SLIT3: variants seen among roughly 807,000 people sequenced by gnomAD.
SLIT3 encodes the protein slit guidance ligand 3, also known as slit homolog 3 protein.
SLIT3 carries 68 observed loss-of-function variants against 184.0 expected under a neutral mutation model. The ratio of observed to expected loss-of-function variants is 0.37; its 90% CI spans 0.30 to 0.45. The LOEUF (loss-of-function observed/expected upper bound fraction) is 0.45, where lower values mean the gene tolerates loss of function less well. Ranked by LOEUF, SLIT3 falls within the 20% of genes least tolerant of loss-of-function variation. The pLI is 1.00. For missense variants in SLIT3, 1,707 were observed against 2,026.0 expected, an observed-to-expected ratio of 0.84 and a Z score of 3.02; for synonymous variants, 831 against 828.6, an observed-to-expected ratio of 1.00 and a Z score of -0.05.
At chr5:168,834,088 TTTTC>T (rs1206759658) in intron 6 of SLIT3, among the ~76,000 whole-genome samples, 2 of 152,120 alleles carry the variant, frequency 1.3e-5, no homozygotes, top group Non-Finnish European at 2.9e-5. Context: ...GGCCGGCTCT[TTTTC>T]TTTCTCTGTT....
chr5:169,235,821 C>T (rs988331007), intron 3 of SLIT3, among the ~76,000 whole-genome samples: 4 of 152,272 alleles, frequency 2.6e-5, no homozygotes, highest in Admixed American at 2.0e-4. Context: ...ATCACAGATA[C>T]AAAGTAATAT....
At chr5:168,745,280 G>T (rs1050582583) in intron 20 of SLIT3, among the ~76,000 whole-genome samples, 1 of 152,222 alleles carries the variant, frequency 6.6e-6, no homozygotes, top group South Asian at 2.1e-4. Flanking sequence ...GATGAGGAAA[G>T]AAATTGGTTT....
chr5:168,797,416 G>A (rs926716594), intron 9 of SLIT3, among the ~76,000 whole-genome samples: 3 of 152,174 alleles, frequency 2.0e-5, no homozygotes, highest in African/African-American at 7.2e-5. Flanking sequence ...CTGTAACAAC[G>A]GCAATCCCCT....
intron 4 of SLIT3, among the ~76,000 whole-genome samples, chr5:168,946,427 G>A (rs1283700883): frequency 6.6e-6 from 1 of 152,222 alleles, no homozygotes; most frequent in Non-Finnish European, 1.5e-5. Context: ...CCAAATGCCT[G>A]CAGATAGCCT....
At chr5:169,234,841 C>T (rs1444109346) in intron 3 of SLIT3, among the ~76,000 whole-genome samples, 3 of 152,156 alleles carry the variant, frequency 2.0e-5, no homozygotes, top group Non-Finnish European at 4.4e-5. Context: ...AATGCTGTTG[C>T]TCACATTTTA....
intron 33 of SLIT3, among the ~76,000 whole-genome samples, chr5:168,672,947 G>T (rs909519348): frequency 3.9e-5 from 6 of 152,126 alleles, no homozygotes; most frequent in Admixed American, 3.3e-4. Context: ...ACCCTTGCCC[G>T]TCACAACGTG....
chr5:169,030,600 G>T (rs3749674), intron 4 of SLIT3: 3 of 152,114 alleles, frequency 2.0e-5, no homozygotes, highest in Non-Finnish European at 4.4e-5. Flanking sequence ...GAATGTTTTT[G>T]TATCTATGGA....
intron 20 of SLIT3, among the ~76,000 whole-genome samples, chr5:168,738,310 A>T (rs1763501990): frequency 6.6e-6 from 1 of 152,122 alleles, no homozygotes; most frequent in South Asian, 2.1e-4. Context: ...TGGTCACTGT[A>T]TTCTTCACCT....
At chr5:168,722,816 C>T (rs1223906559) in intron 22 of SLIT3, 117 bp downstream of exon 22, 1 of 785,374 alleles carries the variant, frequency 1.3e-6, no homozygotes, top group South Asian at 1.5e-5. Context: ...GCTAGGGCAG[C>T]CATAGGCCTG....
intron 4 of SLIT3, among the ~76,000 whole-genome samples, chr5:169,141,863 T>C (rs1761754722): frequency 6.6e-6 from 1 of 151,186 alleles, no homozygotes; most frequent in Admixed American, 6.6e-5. Flanking sequence ...CATCCTGACC[T>C]ACATGGTGAA....
intron 4 of SLIT3, among the ~76,000 whole-genome samples, chr5:168,998,780 G>A (rs1046741135): frequency 2.6e-5 from 4 of 152,128 alleles, no homozygotes; most frequent in Admixed American, 6.5e-5. Flanking sequence ...TCCTCAAAGT[G>A]TGGTCCCCAG....
At chr5:169,215,392 A>G (rs912915511) in intron 3 of SLIT3, among the ~76,000 whole-genome samples, 3 of 152,274 alleles carry the variant, frequency 2.0e-5, no homozygotes, top group Admixed American at 2.0e-4. Flanking sequence ...GTCCTCTGTC[A>G]TTATTTTACT....
chr5:168,714,203 G>T (rs1311938404), intron 23 of SLIT3, among the ~76,000 whole-genome samples: 1 of 152,188 alleles, frequency 6.6e-6, no homozygotes, highest in Non-Finnish European at 1.5e-5. Flanking sequence ...GCATCATTTA[G>T]CCTCTAGTTC....
At chr5:169,177,534 T>C (rs770709012) in intron 4 of SLIT3, among the ~76,000 whole-genome samples, 3 of 152,090 alleles carry the variant, frequency 2.0e-5, no homozygotes, top group Non-Finnish European at 2.9e-5. Flanking sequence ...AAATGAGTTA[T>C]ATATAGTAGG....
At chr5:168,835,155 C>T (rs995470450) in intron 6 of SLIT3, among the ~76,000 whole-genome samples, 17 of 152,048 alleles carry the variant, frequency 1.1e-4, no homozygotes, top group South Asian at 1.0e-3. Flanking sequence ...TAGCCACAGG[C>T]GGGCCCAGGG....
chr5:168,949,766 A>C (rs1762594033), intron 4 of SLIT3, among the ~76,000 whole-genome samples: 2 of 151,944 alleles, frequency 1.3e-5, no homozygotes, highest in Non-Finnish European at 2.9e-5. Context: ...CACCCAGCTA[A>C]TTTTTTGTAG....
chr5:169,015,379 T>C (rs1325672354), intron 4 of SLIT3, among the ~76,000 whole-genome samples: 6 of 152,194 alleles, frequency 3.9e-5, no homozygotes, highest in Non-Finnish European at 4.4e-5. Context: ...GGGAACTCTG[T>C]TTAGGGACAG....
At position 169,015,506 on chromosome 5, in the gene SLIT3, A is replaced by G. The variant is rs1049712462; in HGVS notation, c.414-132170T>C. Among the ~76,000 whole-genome samples the G allele has an allele frequency of 5.9e-5, 9 of 152,356 alleles. No homozygotes were observed. In the South Asian group the frequency reaches 1.9e-3, roughly 32 times the overall value. ...CGCTGCAACTGTCCAAAAGTGATAC[A>G]TAATCCATAGCTGTGTAACTTTGCA... is the stretch of plus-strand genomic sequence containing the variant. On this transcript the variant is annotated intron_variant, in intron 4 of 35. Transcript: ENST00000519560.
intron 4 of SLIT3, among the ~76,000 whole-genome samples, chr5:168,903,255 C>T (rs1354879825): frequency 2.6e-5 from 4 of 152,222 alleles, no homozygotes; most frequent in Admixed American, 6.5e-5. Context: ...CCGTGAGTCT[C>T]CACATACACA....
Sources: allele counts gnomAD v4.1 joint callset (sites outside exome capture counted in the v4.1 genomes callset), GRCh38; gene constraint gnomAD v4.1.1; transcripts MANE v1.5; gene names NCBI Gene and HGNC (gene_info 2026-07-23, HGNC 2026-07-21).